Variants in SNX30 observed in about 807,000 individuals in gnomAD.
SNX30 encodes the protein sorting nexin-30.
In SNX30, 24 loss-of-function variants were observed where a neutral mutation model predicts 46.4. That is an observed-to-expected ratio of 0.52 (90% CI 0.37 to 0.73). SNX30 has a LOEUF of 0.73. Ranked by LOEUF, SNX30 falls within the 30% of genes least tolerant of loss-of-function variation. The probability of loss-of-function intolerance (pLI) is 0.00; values close to 1 mark genes in which losing one functional copy is unlikely to be tolerated. For synonymous variants in SNX30, 189 were observed against 211.5 expected, an observed-to-expected ratio of 0.89 and a Z score of 0.92; for missense variants, 533 against 555.7, an observed-to-expected ratio of 0.96 and a Z score of 0.41.
At chr9:112,844,658 T>C (rs894090547) in intron 6 of SNX30, among the ~76,000 whole-genome samples, 1 of 152,150 alleles carries the variant, frequency 6.6e-6, no homozygotes, top group Non-Finnish European at 1.5e-5. Context: ...GCAAAATATA[T>C]CTGTTGGATT....
At chr9:112,817,665 A>C (rs764918181) in intron 2 of SNX30, 40 bp from the exon 3 acceptor site, 2 of 1,183,302 alleles carry the variant, frequency 1.7e-6, no homozygotes, top group South Asian at 1.2e-5. Context: ...AAGATATGCT[A>C]TTCCCTTATG....
chr9:112,803,914 C>T (rs1840178310), intron 1 of SNX30, among the ~76,000 whole-genome samples: 1 of 118,984 alleles, frequency 8.4e-6, no homozygotes, highest in Admixed American at 8.9e-5. Context: ...GTGCATCCGT[C>T]ACCCCTTTCT....
chr9:112,787,241 A>G (rs1407136428), intron 1 of SNX30, among the ~76,000 whole-genome samples: 2 of 152,220 alleles, frequency 1.3e-5, no homozygotes, highest in Non-Finnish European at 2.9e-5. Flanking sequence ...TCAATACAAC[A>G]TTATTGAGTG....
At chr9:112,864,796 C>A (rs1489894700) in intron 8 of SNX30, among the ~76,000 whole-genome samples, 2 of 151,986 alleles carry the variant, frequency 1.3e-5, no homozygotes, top group African/African-American at 4.8e-5. Flanking sequence ...GCAGTGAACC[C>A]CTTTGGTCAT....
intron 1 of SNX30, among the ~76,000 whole-genome samples, chr9:112,777,833 A>T (rs1169237606): frequency 6.6e-6 from 1 of 151,836 alleles, no homozygotes; most frequent in African/African-American, 2.4e-5. Flanking sequence ...ACCCAATTTA[A>T]TTGTTCCTTT....
At chr9:112,880,866 C>T (rs575140990) in intron 5 of SNX30, among the ~76,000 whole-genome samples, 1 of 152,136 alleles carries the variant, frequency 6.6e-6, no homozygotes, top group Non-Finnish European at 1.5e-5. Context: ...AGGAACTTCT[C>T]TTACTCCAGG....
At chr9:112,770,354 G>A (rs549174333) in intron 1 of SNX30, among the ~76,000 whole-genome samples, 11 of 151,810 alleles carry the variant, frequency 7.2e-5, no homozygotes, top group African/African-American at 2.7e-4. Flanking sequence ...TGTATTTTTA[G>A]TAGAGATGGG....
At chr9:112,838,274 C>T (rs1840795909) in intron 5 of SNX30, among the ~76,000 whole-genome samples, 1 of 152,122 alleles carries the variant, frequency 6.6e-6, no homozygotes, top group African/African-American at 2.4e-5. Context: ...GGATGGCATT[C>T]CCATCACGGG....
chr9:112,751,198 TC>T, intron 1 of SNX30, 41 bp downstream of exon 1: 1 of 1,386,280 alleles, frequency 7.2e-7, no homozygotes, highest in Non-Finnish European at 9.4e-7. Context: ...CTTATTTCGC[TC>T]CCCGTGGGGG....
chr9:112,866,669 C>T, intron 8 of SNX30: 1 of 401,714 alleles, frequency 2.5e-6, no homozygotes, highest in Non-Finnish European at 5.0e-6. Context: ...TAGGATGCCT[C>T]TCTCCTCCTC....
intron 2 of SNX30, among the ~76,000 whole-genome samples, chr9:112,813,845 A>T (rs1174106571): frequency 2.0e-5 from 3 of 152,188 alleles, no homozygotes; most frequent in Admixed American, 6.5e-5. Context: ...TAAATATGCC[A>T]TAATTTCATT....
chr9:112,769,211 T>C (rs1192796242), intron 1 of SNX30, among the ~76,000 whole-genome samples: 3 of 152,252 alleles, frequency 2.0e-5, no homozygotes, highest in South Asian at 2.1e-4. Context: ...TAAACTAGCA[T>C]GTGAAGGGAG....
At chr9:112,756,402 A>G (rs1839349354) in intron 1 of SNX30, among the ~76,000 whole-genome samples, 2 of 131,488 alleles carry the variant, frequency 1.5e-5, no homozygotes, top group South Asian at 4.8e-4. Flanking sequence ...CTCCAAAATT[A>G]CCAGTTTCTT....
intron 1 of SNX30, among the ~76,000 whole-genome samples, chr9:112,768,197 G>C (rs899067709): frequency 3.9e-5 from 6 of 152,136 alleles, no homozygotes; most frequent in African/African-American, 1.2e-4. Context: ...GGGAAGTTAC[G>C]TCTCTGCCAA....
chr9:112,835,704 G>C (rs576499861), intron 4 of SNX30, among the ~76,000 whole-genome samples: 1 of 152,268 alleles, frequency 6.6e-6, no homozygotes, highest in South Asian at 2.1e-4. Context: ...GGGTTAAAAT[G>C]TTTTGCTGTT....
chr9:112,861,607 G>T (rs547524277), intron 7 of SNX30, among the ~76,000 whole-genome samples: 2 of 152,308 alleles, frequency 1.3e-5, no homozygotes, highest in East Asian at 3.9e-4. Context: ...TGGGCCTCAG[G>T]AAAGCAGGAC....
intron 7 of SNX30, among the ~76,000 whole-genome samples, chr9:112,863,732 G>T (rs1841274963): frequency 6.6e-6 from 1 of 152,214 alleles, no homozygotes; most frequent in South Asian, 2.1e-4. Flanking sequence ...CAGCTGGCCA[G>T]TAGTTGTCTT....
chr9:112,758,848 TAAAC>T (rs1399155116), intron 1 of SNX30, among the ~76,000 whole-genome samples: 1 of 148,012 alleles, frequency 6.8e-6, no homozygotes, highest in Non-Finnish European at 1.5e-5. Context: ...TTGTCTCTGT[TAAAC>T]ACACACACAC....
At chr9:112,835,797 A>G (rs1400315444) in intron 4 of SNX30, among the ~76,000 whole-genome samples, 2 of 152,016 alleles carry the variant, frequency 1.3e-5, no homozygotes, top group Non-Finnish European at 2.9e-5. Context: ...CTCCCCTTAT[A>G]TGGCTTTAGT....
Sources: allele counts gnomAD v4.1 joint callset (sites outside exome capture counted in the v4.1 genomes callset), GRCh38; gene constraint gnomAD v4.1.1; transcripts MANE v1.5; gene names NCBI Gene and HGNC (gene_info 2026-07-23, HGNC 2026-07-21).